Variants in REEP5 observed in about 807,000 individuals in gnomAD.
The protein encoded by REEP5 is receptor accessory protein 5.
Under a neutral mutation model 22.4 loss-of-function variants are expected in REEP5, and 24 were observed. The ratio of observed to expected loss-of-function variants is 1.07; its 90% CI spans 0.78 to 1.51. The LOEUF (loss-of-function observed/expected upper bound fraction) is 1.51, where lower values mean the gene tolerates loss of function less well. REEP5 is among the 40% of genes most tolerant of loss of function. The pLI is 0.00. For synonymous variants in REEP5, 103 were observed against 88.6 expected (o/e 1.16, Z -0.92); for missense variants, 252 against 233.0 (o/e 1.08, Z -0.53).
chr5:112,909,529 A>G (rs1167912552), intron 2 of REEP5, among the ~76,000 whole-genome samples: 2 of 152,262 alleles, frequency 1.3e-5, no homozygotes, highest in Non-Finnish European at 1.5e-5. Flanking sequence ...TGCTACAGGT[A>G]GTAAGAAGTT....
At chr5:112,899,686 A>G (rs1768799865) in intron 3 of REEP5, among the ~76,000 whole-genome samples, 1 of 152,186 alleles carries the variant, frequency 6.6e-6, no homozygotes, top group African/African-American at 2.4e-5. Context: ...ATTTCCTTAG[A>G]ATTGTTAAGA....
intron 3 of REEP5, chr5:112,895,905 T>G (rs902902702): frequency 6.6e-6 from 1 of 152,038 alleles, no homozygotes; most frequent in African/African-American, 2.4e-5. Context: ...TCAGACAGAG[T>G]CCATGCTATT....
chr5:112,893,971 A>G (rs1768590963), intron 3 of REEP5: 1 of 152,198 alleles, frequency 6.6e-6, no homozygotes, highest in South Asian at 2.1e-4. Flanking sequence ...GCATTGACCC[A>G]AAATGGAGAA....
chr5:112,920,265 T>C (rs773242158), intron 2 of REEP5, among the ~76,000 whole-genome samples: 96 of 152,234 alleles, frequency 6.3e-4, no homozygotes, highest in Non-Finnish European at 5.7e-4. Context: ...TAGTGACAGA[T>C]ACAAGCTGTA....
chr5:112,906,608 A>G (rs1768960820), intron 2 of REEP5, among the ~76,000 whole-genome samples: 1 of 152,096 alleles, frequency 6.6e-6, no homozygotes, highest in South Asian at 2.1e-4. Flanking sequence ...TGCAGGGGGG[A>G]ACTATCAGAA....
At chr5:112,897,043 A>T (rs531613064) in intron 3 of REEP5, 1 of 152,214 alleles carries the variant, frequency 6.6e-6, no homozygotes, top group Admixed American at 6.5e-5. Flanking sequence ...ATGTCTTTCA[A>T]TTGGGAAGTA....
chr5:112,887,913 A>G (rs1676699520), intron 3 of REEP5, among the ~76,000 whole-genome samples: 1 of 152,218 alleles, frequency 6.6e-6, no homozygotes, highest in South Asian at 2.1e-4. Context: ...CAAGTCATCC[A>G]TGCAATTTAC....
chr5:112,920,731 T>G (rs1398838187), intron 2 of REEP5, among the ~76,000 whole-genome samples: 1 of 152,188 alleles, frequency 6.6e-6, no homozygotes, highest in African/African-American at 2.4e-5. Flanking sequence ...CTGTCTCAAT[T>G]AACGTAATTA....
chr5:112,901,644 G>A (rs1438206944), intron 3 of REEP5, among the ~76,000 whole-genome samples: 1 of 151,742 alleles, frequency 6.6e-6, no homozygotes, highest in Non-Finnish European at 1.5e-5. Flanking sequence ...CCCAGGATGC[G>A]GAGGTTGCAG....
chr5:112,892,790 G>T, intron 3 of REEP5: 4 of 1,614,034 alleles, frequency 2.5e-6, no homozygotes, highest in Non-Finnish European at 3.4e-6. Flanking sequence ...AGGCAGCGGG[G>T]AAGGAGAAAC....
In REEP5 at chr5:112,902,221, T is replaced by G. The variant is rs376605410; in HGVS notation, c.351+159A>C. 6.4e-3 allele frequency among the ~76,000 whole-genome samples: 883 copies of G among 138,428 alleles called. 12 individuals carry two copies. Among genetic ancestry groups the G allele is most frequent in the African/African-American group, 0.021 (751 of 35,858 alleles). The allele number at this position is 138,428 out of a possible 152,430, so 90.8% of individuals were successfully genotyped here. A position where few individuals can be genotyped will look rare whatever the true frequency, so the allele number is the denominator to read the frequency against. ...TGGCTTGCTTGAGCATTTTTTTGTT[T>G]TTGTTTTTTTTGAGACAGAGTCTCG... On this transcript the variant is annotated intron_variant, in intron 3 of 4. Coordinates refer to ENST00000379638, the MANE Select transcript of REEP5 (RefSeq NM_005669.5).
At chr5:112,903,111 C>T (rs1768885360) in intron 2 of REEP5, among the ~76,000 whole-genome samples, 1 of 152,178 alleles carries the variant, frequency 6.6e-6, no homozygotes, top group Admixed American at 6.5e-5. Context: ...CAGTTAATAA[C>T]AGGACTTTCC....
intron 2 of REEP5, 66 bp downstream of exon 2, chr5:112,921,097 A>G: frequency 8.1e-6 from 12 of 1,482,782 alleles, no homozygotes; most frequent in Non-Finnish European, 1.1e-5. Context: ...TGTGCAGTCT[A>G]CTGCAGCAGC....
intron 3 of REEP5, among the ~76,000 whole-genome samples, chr5:112,891,362 C>T (rs977936300): frequency 2.0e-5 from 3 of 151,862 alleles, no homozygotes; most frequent in African/African-American, 4.8e-5. Flanking sequence ...AGTGAGCCAC[C>T]GCACCTGGCC....
intron 4 of REEP5, among the ~76,000 whole-genome samples, chr5:112,880,273 TCTTA>T (rs1317838933): frequency 6.6e-6 from 1 of 152,176 alleles, no homozygotes; most frequent in Admixed American, 6.5e-5. Context: ...AAATATATTT[TCTTA>T]CTTCTGCAGG....
intron 1 of REEP5, chr5:112,921,520 G>C: frequency 1.9e-6 from 1 of 531,004 alleles, no homozygotes; most frequent in Non-Finnish European, 3.4e-6. Flanking sequence ...GCAACCCCCG[G>C]CGCCCGGGAC....
At chr5:112,890,743 T>C (rs926562653) in intron 3 of REEP5, among the ~76,000 whole-genome samples, 1 of 150,704 alleles carries the variant, frequency 6.6e-6, no homozygotes, top group South Asian at 2.1e-4. Flanking sequence ...AAAGAGTTAA[T>C]ATAGTATATA....
intron 2 of REEP5, among the ~76,000 whole-genome samples, chr5:112,917,507 G>C (rs956035986): frequency 2.0e-5 from 3 of 152,194 alleles, no homozygotes; most frequent in African/African-American, 7.2e-5. Flanking sequence ...AAGCAAAAAA[G>C]TTACTGGGTA....
intron 1 of REEP5, chr5:112,921,570 T>G (rs1321833660): frequency 4.9e-6 from 2 of 409,632 alleles, no homozygotes; most frequent in East Asian, 5.2e-5. Context: ...CAGGGCCTGC[T>G]GGGCAGCGCT....
Sources: gnomAD v4.1 joint callset for allele counts (sites outside exome capture counted in the v4.1 genomes callset) on GRCh38, gnomAD v4.1.1 for gene constraint, MANE v1.5 for transcripts, NCBI Gene and HGNC (gene_info 2026-07-23, HGNC 2026-07-21) for gene names.